The following GASK1A variants were observed in gnomAD, a reference collection of about 807,000 sequenced individuals.
The protein encoded by GASK1A is Golgi-associated kinase 1A.
GASK1A carries 40 observed loss-of-function variants against 41.2 expected under a neutral mutation model. The observed-to-expected ratio is 0.97, with a 90% CI of 0.75 to 1.27. GASK1A has a LOEUF of 1.27. Ranked by LOEUF, GASK1A falls within the 50% of genes most tolerant of loss-of-function variation. The probability of loss-of-function intolerance (pLI) is 0.00; values close to 1 mark genes in which losing one functional copy is unlikely to be tolerated. For missense variants in GASK1A, 678 were observed against 745.1 expected, an observed-to-expected ratio of 0.91 and a Z score of 1.05; for synonymous variants, 316 against 307.1, an observed-to-expected ratio of 1.03 and a Z score of -0.30.
intron 1 of GASK1A, among the ~76,000 whole-genome samples, chr3:42,999,383 G>T (rs910918094): frequency 1.4e-4 from 21 of 152,216 alleles, no homozygotes; most frequent in African/African-American, 5.1e-4. Context: ...GGGTGAAGGT[G>T]CCCAGCAACC....
At chr3:43,008,585 TA>T (rs1457603541) in intron 1 of GASK1A, among the ~76,000 whole-genome samples, 1 of 152,256 alleles carries the variant, frequency 6.6e-6, no homozygotes, top group Non-Finnish European at 1.5e-5. Context: ...AGCTTTGTTT[TA>T]ACCTTCTCAA....
At chr3:42,993,017 C>T (rs1385717070) in intron 1 of GASK1A, among the ~76,000 whole-genome samples, 1 of 152,142 alleles carries the variant, frequency 6.6e-6, no homozygotes, top group African/African-American at 2.4e-5. Flanking sequence ...CTGGGATTGG[C>T]GAACACTCAG....
chr3:42,988,786 C>G (rs1244948438), intron 1 of GASK1A, among the ~76,000 whole-genome samples: 1 of 152,220 alleles, frequency 6.6e-6, no homozygotes, highest in African/African-American at 2.4e-5. Context: ...ACTGCCACTG[C>G]CTCTCTGTGC....
intron 2 of GASK1A, among the ~76,000 whole-genome samples, chr3:43,041,904 C>T (rs540864): frequency 6.6e-6 from 1 of 152,000 alleles, no homozygotes; most frequent in South Asian, 2.1e-4. Flanking sequence ...TGCCTGTAAT[C>T]CCAGCACTTT....
At chr3:43,015,542 AAAGGGGCTGTGTGAGGCCACAGG>A (rs933427676) in intron 1 of GASK1A, among the ~76,000 whole-genome samples, 4 of 134,074 alleles carry the variant, frequency 3.0e-5, no homozygotes, top group African/African-American at 1.2e-4. Context: ...AAGTCACAAG[AAAGGGGCTGTGTGAGGCCACAGG>A]AAGGGGCTGT....
At chr3:43,030,889 C>G (rs2089571848) in intron 1 of GASK1A, among the ~76,000 whole-genome samples, 1 of 152,148 alleles carries the variant, frequency 6.6e-6, no homozygotes, top group African/African-American at 2.4e-5. Context: ...TGGACTTCAC[C>G]TACATGTCCA....
chr3:43,023,138 C>T (rs577485872), intron 1 of GASK1A, among the ~76,000 whole-genome samples: 1 of 152,076 alleles, frequency 6.6e-6, no homozygotes, highest in East Asian at 1.9e-4. Context: ...CCAGGTGGAC[C>T]CTAAATGCCA....
At chr3:42,992,051 TC>T (rs1490307761) in intron 1 of GASK1A, among the ~76,000 whole-genome samples, 2 of 151,362 alleles carry the variant, frequency 1.3e-5, no homozygotes, top group African/African-American at 4.9e-5. Context: ...TGTATTCCTT[TC>T]TTTCAGAACA....
At chr3:43,009,700 A>G (rs1381007786) in intron 1 of GASK1A, among the ~76,000 whole-genome samples, 4 of 152,226 alleles carry the variant, frequency 2.6e-5, no homozygotes. Context: ...TAACAGTGAA[A>G]AACATGTAAC....
At chr3:42,988,092 G>A (rs1371039398) in intron 1 of GASK1A, among the ~76,000 whole-genome samples, 1 of 151,240 alleles carries the variant, frequency 6.6e-6, no homozygotes, top group Non-Finnish European at 1.5e-5. Flanking sequence ...CTTGCCTGTG[G>A]TCCCTGATGC....
intron 2 of GASK1A, among the ~76,000 whole-genome samples, chr3:43,052,212 C>T (rs78089665): frequency 2.0e-5 from 3 of 152,230 alleles, no homozygotes; most frequent in African/African-American, 4.8e-5. Flanking sequence ...TTTCATGTGC[C>T]GTGAGCACTA....
At chr3:43,000,090 A>G (rs1308995816) in intron 1 of GASK1A, among the ~76,000 whole-genome samples, 1 of 152,200 alleles carries the variant, frequency 6.6e-6, no homozygotes, top group Non-Finnish European at 1.5e-5. Context: ...CCCAGAGATT[A>G]GGGCCTGGAC....
At chr3:43,040,838 T>C (rs1331767630) in intron 2 of GASK1A, among the ~76,000 whole-genome samples, 1 of 148,596 alleles carries the variant, frequency 6.7e-6, no homozygotes, top group African/African-American at 2.4e-5. Context: ...CCCACTAACT[T>C]GTCATCTAGC....
At chr3:43,034,597 T>C (rs1399936724) in intron 2 of GASK1A, among the ~76,000 whole-genome samples, 1 of 152,202 alleles carries the variant, frequency 6.6e-6, no homozygotes, top group Non-Finnish European at 1.5e-5. Context: ...GAGACCCCTG[T>C]TGAAGAAAAG....
intron 2 of GASK1A, among the ~76,000 whole-genome samples, chr3:43,050,182 T>C (rs961220155): frequency 1.3e-5 from 2 of 152,212 alleles, no homozygotes; most frequent in African/African-American, 2.4e-5. Flanking sequence ...GAAGTCCTCC[T>C]TTTAGTATTT....
chr3:43,014,605 G>C (rs2089480667), intron 1 of GASK1A, among the ~76,000 whole-genome samples: 1 of 152,078 alleles, frequency 6.6e-6, no homozygotes, highest in Non-Finnish European at 1.5e-5. Context: ...GTGGCTTTGT[G>C]AAGTCGCAGT....
At chr3:43,029,899 G>C (rs2089565961) in intron 1 of GASK1A, among the ~76,000 whole-genome samples, 1 of 152,208 alleles carries the variant, frequency 6.6e-6, no homozygotes, top group Admixed American at 6.5e-5. Context: ...TGAAAACACA[G>C]ACAAATTAGG....
intron 1 of GASK1A, among the ~76,000 whole-genome samples, chr3:43,002,516 A>G (rs962760375): frequency 1.1e-4 from 17 of 152,178 alleles, no homozygotes; most frequent in Admixed American, 5.9e-4. Flanking sequence ...TGGGGCTCCA[A>G]GGACCTCTGC....
chr3:43,023,538 G>T, intron 1 of GASK1A, among the ~76,000 whole-genome samples: 1 of 152,176 alleles, frequency 6.6e-6, no homozygotes, highest in East Asian at 1.9e-4. Flanking sequence ...TGCTAACTGT[G>T]GCTTCCTCTG....
Sources: allele counts gnomAD v4.1 joint callset (sites outside exome capture counted in the v4.1 genomes callset), GRCh38; gene constraint gnomAD v4.1.1; transcripts MANE v1.5; gene names NCBI Gene and HGNC (gene_info 2026-07-23, HGNC 2026-07-21).